SSC4D: variants seen among roughly 807,000 people sequenced by gnomAD.
SSC4D encodes scavenger receptor cysteine-rich domain-containing group B protein.
In SSC4D, 57 loss-of-function variants were observed where a neutral mutation model predicts 63.4. The observed-to-expected ratio is 0.90, with a 90% confidence interval of 0.73 to 1.12. The LOEUF (loss-of-function observed/expected upper bound fraction) is 1.12. Among genes scored for constraint, SSC4D ranks in the 50% most tolerant of loss-of-function variants. The probability of loss-of-function intolerance (pLI) is 0.00; values close to 1 mark genes in which losing one functional copy is unlikely to be tolerated. For synonymous variants in SSC4D, 352 were observed against 345.4 expected (o/e 1.02, Z -0.21); for missense variants, 791 against 806.4 (o/e 0.98, Z 0.23).
chr7:76,405,331 C>CTTTT (rs1207800001), intron 1 of SSC4D, among the ~76,000 whole-genome samples: 3 of 26,386 alleles, frequency 1.1e-4, no homozygotes, highest in Non-Finnish European at 6.7e-5. Flanking sequence ...TTTTTTCTTT[C>CTTTT]TTTCTTTCTT....
chr7:76,405,271 TTATATATATATATATATATATATATA>T (rs1171830870), intron 1 of SSC4D, among the ~76,000 whole-genome samples: 220 of 9,140 alleles, frequency 0.024, 11 homozygotes, highest in East Asian at 0.055. Flanking sequence ...ACCCAGCTAA[TTATATATATATATATATATATATATA>T]TATATATATA....
chr7:76,394,108 T>C (rs1804574173), intron 7 of SSC4D, among the ~76,000 whole-genome samples: 1 of 152,160 alleles, frequency 6.6e-6, no homozygotes, highest in African/African-American at 2.4e-5. Flanking sequence ...TAATTCTAGG[T>C]ATTATCCTAA....
Position 76,390,135 on chromosome 7 carries a change from A to C in SSC4D, c.1652T>G (p.Leu551Arg). ...GGCATCCCAGCGGATATGAGAGCAG[A>C]GCAGCAGAGCACTTTCTTCCCCACG... is the stretch of plus-strand genomic sequence containing the variant. ...KCRGEESALL[L>R]CSHIRWDAHN... Residue 551 changes from leucine (L) to arginine (R), a missense_variant, in exon 11 of 11, where the codon CTC becomes CGC. Transcript: ENST00000275560. The C allele has an allele frequency of 6.2e-7, 1 of 1,614,234 alleles. No individual in the cohort carries two copies. Among genetic ancestry groups the C allele is most frequent in the Non-Finnish European group, 8.5e-7 (1 of 1,180,042 alleles).
chr7:76,405,478 G>A (rs1804996274), intron 1 of SSC4D, among the ~76,000 whole-genome samples: 2 of 148,876 alleles, frequency 1.3e-5, no homozygotes, highest in South Asian at 4.2e-4. Context: ...CACCGTGCCA[G>A]CCCAGAACAT....
At chr7:76,404,710 C>G (rs1371087561) in intron 1 of SSC4D, among the ~76,000 whole-genome samples, 1 of 151,972 alleles carries the variant, frequency 6.6e-6, no homozygotes, top group Non-Finnish European at 1.5e-5. Flanking sequence ...GCGGGTGGAT[C>G]GCTTGAACCC....
chr7:76,394,276 G>T (rs556352933), intron 7 of SSC4D, among the ~76,000 whole-genome samples: 399 of 152,128 alleles, frequency 2.6e-3, no homozygotes, highest in Non-Finnish European at 4.1e-3. Flanking sequence ...ACAGGGTCTT[G>T]CTCTGTCGCC....
In SSC4D at chr7:76,400,451, C is replaced by A; in HGVS notation, c.310G>T (p.Ala104Ser). The A allele has an allele frequency of 1.9e-6, 3 of 1,608,668 alleles. No homozygotes were observed. Among genetic ancestry groups the A allele is most frequent in the Non-Finnish European group, 2.5e-6 (3 of 1,177,202 alleles). The change falls in exon 4 of 11, where the codon GCA (alanine) becomes TCA (serine). Residue 104 changes from alanine to serine, a missense_variant. Coordinates refer to ENST00000275560, the MANE Select transcript of SSC4D (RefSeq NM_080744.2). ...GCAAGGGGCCGTGGCACGGGCAGTG[C>A]CAGGCCACAGCCCAGCTGGCGACAC... Reference protein sequence around the residue: ...VVCRQLGCGLALPVPRPLAFG... With the variant: ...VVCRQLGCGLSLPVPRPLAFG...
chr7:76,393,207 A>G (rs543574018), intron 9 of SSC4D, among the ~76,000 whole-genome samples, 198 bp downstream of exon 9: 3 of 151,924 alleles, frequency 2.0e-5, no homozygotes, highest in Admixed American at 6.5e-5. Flanking sequence ...TTTCCACTGC[A>G]GAAGGCTCTC....
chr7:76,400,990 G>T lies in SSC4D; in HGVS notation c.169+18C>A. The T allele has an allele frequency of 6.4e-7, 1 of 1,551,088 alleles. No homozygotes were observed. Among genetic ancestry groups the T allele is most frequent in the Non-Finnish European group, 8.7e-7 (1 of 1,146,752 alleles). On this transcript the variant is annotated intron_variant, in intron 3 of 10. Coordinates refer to ENST00000275560, the MANE Select transcript of SSC4D (RefSeq NM_080744.2). ...GGCGGACAGGTGAGGGTGAGGAAGG[G>T]CGGGGTGGGGCACCTACCTTGAAAG...
At chr7:76,394,433 G>A (rs1804582432) in intron 7 of SSC4D, among the ~76,000 whole-genome samples, 1 of 146,428 alleles carries the variant, frequency 6.8e-6, no homozygotes, top group Non-Finnish European at 1.5e-5. Context: ...TTTTGATACA[G>A]AGTTTCGCTC....
At chr7:76,408,525 C>T (rs1344025922) in intron 1 of SSC4D, among the ~76,000 whole-genome samples, 1 of 152,154 alleles carries the variant, frequency 6.6e-6, no homozygotes, top group Non-Finnish European at 1.5e-5. Flanking sequence ...CAGATCAGCC[C>T]CCACCCTGGG....
At chr7:76,401,168 C>G (rs1462943282) in intron 2 of SSC4D, 125 bp from the exon 3 acceptor site, 4 of 1,304,828 alleles carry the variant, frequency 3.1e-6, no homozygotes, top group Non-Finnish European at 4.1e-6. Flanking sequence ...TTCAGTACCC[C>G]TGCTTTGCCA....
intron 5 of SSC4D, among the ~76,000 whole-genome samples, chr7:76,398,307 C>CTTT (rs1309414426): frequency 1.5e-5 from 2 of 132,780 alleles, no homozygotes; most frequent in African/African-American, 2.8e-5. Flanking sequence ...CATTCATTTT[C>CTTT]TATTTTTTTT....
At chr7:76,405,303 A>T (rs1158341279) in intron 1 of SSC4D, among the ~76,000 whole-genome samples, 1,113 of 44,940 alleles carry the variant, frequency 0.025, 52 homozygotes, top group African/African-American at 0.052. Context: ...ATATATATAT[A>T]TATATATATA....
intron 7 of SSC4D, among the ~76,000 whole-genome samples, chr7:76,394,974 AT>A (rs1459660850): frequency 2.0e-5 from 3 of 150,112 alleles, no homozygotes; most frequent in Admixed American, 6.7e-5. Flanking sequence ...AAGTGCTGGG[AT>A]TATAGGAGTG....
Position 76,401,053 on chromosome 7 carries a change from A to C in SSC4D, c.134-10T>G. The C allele has an allele frequency of 6.5e-7, 1 of 1,543,938 alleles. No individual in the cohort carries two copies. Among genetic ancestry groups the C allele is most frequent in the Non-Finnish European group, 8.7e-7 (1 of 1,143,006 alleles). On this transcript the variant is annotated splice_polypyrimidine_tract_variant and intron_variant, in intron 2 of 10. Transcript: ENST00000275560. ...GGCTGTAGGGCGCTGGCTGAAACAG[A>C]GTGAGGAAGAGCATTGGCCCCTCTG... is the stretch of plus-strand genomic sequence containing the variant.
chr7:76,395,846 C>T (rs987085677), intron 6 of SSC4D, among the ~76,000 whole-genome samples: 18 of 152,266 alleles, frequency 1.2e-4, no homozygotes, highest in African/African-American at 4.1e-4. Flanking sequence ...CGCCTGCCAG[C>T]ACGCCTGGCT....
chr7:76,392,857 C>T (rs1477157190), intron 9 of SSC4D, among the ~76,000 whole-genome samples: 1 of 152,082 alleles, frequency 6.6e-6, no homozygotes, highest in African/African-American at 2.4e-5. Context: ...ACAGAACCCT[C>T]TGTGGCCAAA....
chr7:76,397,403 AAGAC>A, intron 6 of SSC4D, 111 bp downstream of exon 6: 3 of 1,299,774 alleles, frequency 2.3e-6, no homozygotes, highest in Non-Finnish European at 3.1e-6. Flanking sequence ...GGGGAGCATC[AAGAC>A]AGCCAAAACA....
Sources: allele counts gnomAD v4.1 joint callset (sites outside exome capture counted in the v4.1 genomes callset), GRCh38; gene constraint gnomAD v4.1.1; transcripts MANE v1.5; gene names NCBI Gene and HGNC (gene_info 2026-07-23, HGNC 2026-07-21).